CACNA1B: variants seen among roughly 807,000 people sequenced by gnomAD.
CACNA1B encodes the protein voltage-dependent N-type calcium channel subunit alpha-1B.
In CACNA1B, 70 loss-of-function variants were observed where a neutral mutation model predicts 247.2. The observed-to-expected ratio is 0.28, with a 90% CI of 0.23 to 0.35. The LOEUF is 0.35. CACNA1B is among the 10% of genes least tolerant of loss of function. The probability of loss-of-function intolerance (pLI) is 1.00; values close to 1 mark genes in which losing one functional copy is unlikely to be tolerated. For synonymous variants in CACNA1B, 1,231 were observed against 1,294.4 expected (o/e 0.95, Z 1.05); for missense variants, 2,367 against 3,197.4 (o/e 0.74, Z 6.26).
At position 137,938,584 on chromosome 9, in the gene CACNA1B, C is replaced by T. The variant is rs575993333; in HGVS notation, c.967-13690C>T. The stretch of plus-strand genomic sequence containing the variant: ...AAAGACTTTCCATGCAAATGGACAC[C>T]AAAAGCAAGCAGGAGTAGCCATTCT... On this transcript the variant is annotated intron_variant, in intron 6 of 46. Coordinates refer to ENST00000371372, the MANE Select transcript of CACNA1B (RefSeq NM_000718.4). Among the ~76,000 whole-genome samples the T allele has an allele frequency of 7.2e-5, 11 of 151,994 alleles. 1 individual carries two copies. In the East Asian group the frequency reaches 1.9e-3, roughly 27 times the overall value.
Position 138,057,678 on chromosome 9 carries a change from G to T in CACNA1B, c.3969-54G>T. On this transcript the variant is annotated intron_variant, in intron 26 of 46. Transcript: ENST00000371372. This position sits in a 1 kb window ranked among gnomAD's most constrained non-coding sequence, Gnocchi z 4.0. ...TGGTTTCAACACTCTTGATAGGTGG[G>T]TTTATTTGGATCTTTTGTCTTTGCC... The T allele has an allele frequency of 5.8e-6, 9 of 1,556,166 alleles. No homozygotes were observed. In the South Asian group the frequency reaches 7.1e-5, roughly 12 times the overall value.
chr9:138,058,462 G>A lies in CACNA1B; in HGVS notation c.4309-107G>A. On this transcript the variant is annotated intron_variant, in intron 28 of 46. Coordinates refer to ENST00000371372, the MANE Select transcript of CACNA1B (RefSeq NM_000718.4). The surrounding 1 kb of genome is among the most constrained non-coding windows in gnomAD (Gnocchi z 4.7). The stretch of plus-strand genomic sequence containing the variant: ...TCTGGGCTGCTTCAATTTGTCTTCT[G>A]TTGTCAGGGCTCCCTGTGAGGCCTG... The A allele has an allele frequency of 3.6e-6, 4 of 1,097,180 alleles. No individual in the cohort carries two copies. The highest frequency in any genetic ancestry group is 5.2e-6 in the Non-Finnish European group (4 of 762,104). 68.0% of individuals were successfully genotyped at this position (1,097,180 alleles called of 1,614,324 possible).
rs10780199 is a variant in CACNA1B, at chr9:138,058,845, G to A, written c.4473+112G>A. The A allele has an allele frequency of 0.23, 229,671 of 985,906 alleles. 41,037 individuals are homozygous for A. The highest frequency in any genetic ancestry group is 0.76 in the African/African-American group (46,314 of 60,692). The allele number at this position is 985,906 out of a possible 1,614,324, so 61.1% of individuals were successfully genotyped here. ...CCTCCCTGCATGAGCCAAAGCAGTA[G>A]TGGCCTTGCATCCTGGCCAGCATGG... On this transcript the variant is annotated intron_variant, in intron 29 of 46. Coordinates refer to ENST00000371372, the MANE Select transcript of CACNA1B (RefSeq NM_000718.4). The surrounding 1 kb of genome is among the most constrained non-coding windows in gnomAD (Gnocchi z 4.7).
chr9:138,056,112 A>C (rs549848481), intron 26 of CACNA1B, among the ~76,000 whole-genome samples: 1 of 152,336 alleles, frequency 6.6e-6, no homozygotes, highest in African/African-American at 2.4e-5. Flanking sequence ...CAATCCACTT[A>C]CAGTGTGCAA....
Position 138,080,174 on chromosome 9 carries a change from C to T in CACNA1B, c.5094+1916C>T, listed in dbSNP as rs117408759. 4.3e-4 allele frequency among the ~76,000 whole-genome samples: 66 copies of T among 152,248 alleles called. No individual in the cohort carries two copies. In the East Asian group the frequency reaches 0.012, roughly 27 times the overall value. On this transcript the variant is annotated intron_variant, in intron 36 of 46. Coordinates refer to ENST00000371372, the MANE Select transcript of CACNA1B (RefSeq NM_000718.4). ...GGTAGAAAAGTGGATTATCCAGATT[C>T]GGGATTTCCCAGACAAGTGCAAGGA...
chr9:137,931,988 G>A (rs889229311), intron 6 of CACNA1B, among the ~76,000 whole-genome samples: 1 of 151,938 alleles, frequency 6.6e-6, no homozygotes, highest in African/African-American at 2.4e-5. Flanking sequence ...ATTTCCAGGC[G>A]GCATCCCTTA....
chr9:137,996,885 T>A (rs1301723565), intron 15 of CACNA1B, among the ~76,000 whole-genome samples: 5 of 152,172 alleles, frequency 3.3e-5, no homozygotes, highest in South Asian at 4.1e-4. Flanking sequence ...ACAGATCACT[T>A]CTGCAAATAC....
chr9:137,948,019 C>T (rs1957817760), intron 6 of CACNA1B, among the ~76,000 whole-genome samples: 1 of 117,200 alleles, frequency 8.5e-6, no homozygotes, highest in Admixed American at 1.1e-4. Context: ...TTCACTCTGT[C>T]ACCCAGGCTA....
intron 20 of CACNA1B, among the ~76,000 whole-genome samples, chr9:138,034,787 T>C (rs1959023785): frequency 6.6e-6 from 1 of 151,740 alleles, no homozygotes; most frequent in South Asian, 2.1e-4. Flanking sequence ...TGCAAGGATC[T>C]TGTAGTCCCC....
In CACNA1B at chr9:137,913,317, T is replaced by C; in HGVS notation, c.622+46T>C. The C allele has an allele frequency of 7.1e-7, 1 of 1,411,152 alleles. No homozygotes were observed. Among genetic ancestry groups the C allele is most frequent in the Non-Finnish European group, 1.0e-6 (1 of 997,842 alleles). 87.4% of individuals were successfully genotyped at this position (1,411,152 alleles called of 1,614,324 possible). A position where few individuals can be genotyped will look rare whatever the true frequency, so the allele number is the denominator to read the frequency against. On this transcript the variant is annotated intron_variant, in intron 4 of 46. Transcript: ENST00000371372. The surrounding 1 kb of genome is among the most constrained non-coding windows in gnomAD (Gnocchi z 5.2). Reference sequence around the variant, plus strand: ...CCCAAGCCGGCTTGGAGTAACAACCTCCTCTCCTACCCTCACCACGGACAT... The same window carrying C: ...CCCAAGCCGGCTTGGAGTAACAACCCCCTCTCCTACCCTCACCACGGACAT...
chr9:137,990,744 CCTGAAAGACCTGAAGATGGAT>C lies in CACNA1B; in HGVS notation c.1974+3892_1974+3912del, dbSNP rs1958422406. Among the ~76,000 whole-genome samples, 1 of 152,190 alleles carries C rather than the reference CCTGAAAGACCTGAAGATGGAT, an allele frequency of 6.6e-6. No individual in the cohort carries two copies. The highest frequency in any genetic ancestry group is 6.5e-5 in the Admixed American group (1 of 15,288). ...ACCAGAGCAGGTGCTGGTATCCGCACCTGAAAGACCTGAAGATGGATCACATCACAGGACTCTTGACAGACA... is the reference window on the plus strand; with the variant it reads ...ACCAGAGCAGGTGCTGGTATCCGCACCACATCACAGGACTCTTGACAGACA... On this transcript the variant is annotated intron_variant, in intron 15 of 46. Transcript: ENST00000371372. This position sits in a 1 kb window ranked among gnomAD's most constrained non-coding sequence, Gnocchi z 4.5.
chr9:138,050,982 CAG>C lies in CACNA1B; in HGVS notation c.3711-1109_3711-1108del, dbSNP rs1356988889. ...TGTTGCTGGAGCCCCAGGAAGAGCA[CAG>C]GGGGCAGGGCCACCCCTAGAAGCAG... On this transcript the variant is annotated intron_variant, in intron 24 of 46. Coordinates refer to ENST00000371372, the MANE Select transcript of CACNA1B (RefSeq NM_000718.4). The surrounding 1 kb of genome is among the most constrained non-coding windows in gnomAD (Gnocchi z 5.2). Among the ~76,000 whole-genome samples the C allele has an allele frequency of 2.0e-5, 3 of 152,144 alleles. No homozygotes were observed. Among genetic ancestry groups the C allele is most frequent in the Non-Finnish European group, 2.9e-5 (2 of 68,020 alleles).
chr9:137,898,872 G>A (rs772790164), intron 3 of CACNA1B, among the ~76,000 whole-genome samples: 1 of 151,532 alleles, frequency 6.6e-6, no homozygotes, highest in African/African-American at 2.4e-5. Context: ...TAGTAGAGAC[G>A]GGGTTTCACC....
chr9:138,014,052 G>A lies in CACNA1B; in HGVS notation c.2267+817G>A, dbSNP rs758495451. Among the ~76,000 whole-genome samples the A allele has an allele frequency of 3.3e-5, 5 of 152,250 alleles. No homozygotes were observed. Among genetic ancestry groups the A allele is most frequent in the Non-Finnish European group, 5.9e-5 (4 of 68,046 alleles). ...TCTTCAGCCGGCCACCCGCCCTGCC[G>A]TGAACACGGAACACAGGGCCGGGTG... On this transcript the variant is annotated intron_variant, in intron 18 of 46. Coordinates refer to ENST00000371372, the MANE Select transcript of CACNA1B (RefSeq NM_000718.4). The surrounding 1 kb of genome is among the most constrained non-coding windows in gnomAD (Gnocchi z 6.2).
intron 5 of CACNA1B, among the ~76,000 whole-genome samples, chr9:137,916,745 G>T (rs879820268): frequency 5.9e-5 from 9 of 151,942 alleles, no homozygotes; most frequent in Admixed American, 6.6e-5. Context: ...GGCTGTGAGG[G>T]AGGTAGTTTG....
chr9:138,053,601 C>CT (rs140486723), intron 25 of CACNA1B, among the ~76,000 whole-genome samples: 10 of 144,126 alleles, frequency 6.9e-5, no homozygotes, highest in African/African-American at 1.7e-4. Flanking sequence ...TGGCCCCACC[C>CT]CCCACCATGG....
At chr9:137,965,295 C>T (rs1046451307) in intron 10 of CACNA1B, among the ~76,000 whole-genome samples, 9 of 152,242 alleles carry the variant, frequency 5.9e-5, no homozygotes, top group Non-Finnish European at 1.3e-4. Context: ...GCTGGAATGG[C>T]TGAGAAGCCT....
chr9:137,881,404 G>T lies in CACNA1B; in HGVS notation c.391-1340G>T, dbSNP rs111874526. ...GATGCGGAGAGCCCTCGAGAGCCTG[G>T]CTTCCTGGGGAGGAAGGCACAGGCT... On this transcript the variant is annotated intron_variant, in intron 2 of 46. Coordinates refer to ENST00000371372, the MANE Select transcript of CACNA1B (RefSeq NM_000718.4). The surrounding 1 kb of genome is among the most constrained non-coding windows in gnomAD (Gnocchi z 4.3). Among the ~76,000 whole-genome samples, 1 of 152,188 alleles carries T rather than the reference G, an allele frequency of 6.6e-6. No homozygotes were observed.
intron 21 of CACNA1B, among the ~76,000 whole-genome samples, chr9:138,044,811 A>C (rs930987485): frequency 6.6e-6 from 1 of 152,202 alleles, no homozygotes; most frequent in Non-Finnish European, 1.5e-5. Flanking sequence ...CAAGCCCTGC[A>C]TTACCCCGCT....
Sources: allele counts gnomAD v4.1 joint callset (sites outside exome capture counted in the v4.1 genomes callset), GRCh38; gene constraint gnomAD v4.1.1; non-coding constraint Gnocchi (gnomAD v3.1); transcripts MANE v1.5; gene names NCBI Gene and HGNC (gene_info 2026-07-23, HGNC 2026-07-21).